STIM1: variants seen among roughly 807,000 people sequenced by gnomAD.
The protein encoded by STIM1 is stromal interaction molecule 1.
A neutral mutation model predicts 74.7 loss-of-function variants in STIM1; 25 were observed. That is an observed-to-expected ratio of 0.33 (90% CI 0.24 to 0.47). The LOEUF is 0.47. STIM1 is among the 20% of genes least tolerant of loss of function. The probability of loss-of-function intolerance (pLI) is 1.00; values close to 1 mark genes in which losing one functional copy is unlikely to be tolerated. For missense variants in STIM1, 728 were observed against 920.8 expected (o/e 0.79, Z 2.71); for synonymous variants, 328 against 348.8 (o/e 0.94, Z 0.66).
intron 1 of STIM1, among the ~76,000 whole-genome samples, chr11:3,937,602 A>G (rs573158592): frequency 1.3e-5 from 2 of 152,300 alleles, no homozygotes; most frequent in African/African-American, 4.8e-5. Flanking sequence ...CTGATTCTCC[A>G]TAAGTCACAG....
chr11:3,990,135 C>T (rs1320729995), intron 2 of STIM1, among the ~76,000 whole-genome samples: 1 of 152,200 alleles, frequency 6.6e-6, no homozygotes, highest in African/African-American at 2.4e-5. Context: ...CATGTAAATT[C>T]AATCATATAA....
chr11:3,973,462 T>G (rs1758977812), intron 2 of STIM1: 1 of 284,034 alleles, frequency 3.5e-6, no homozygotes, highest in African/African-American at 2.2e-5. Flanking sequence ...TGCAGTGGTG[T>G]GAACACAGCT....
rs150033189 is a variant in STIM1, at chr11:3,856,384, C to G, written c.114C>G (p.Ala38=). 3.0e-4 allele frequency: 485 copies of G among 1,614,138 alleles called. 1 individual carries two copies. Among genetic ancestry groups the G allele is most frequent in the Non-Finnish European group, 1.7e-4 (206 of 1,180,042 alleles). ...SEKATGTSSG[A]NSEESTAAEF... The stretch of plus-strand genomic sequence containing the variant: ...AGGCGACAGGAACCAGCTCGGGGGC[C>G]AACTCTGAGGAGTCCACTGCAGCAG... Residue 38 remains alanine, a synonymous_variant, in exon 1 of 13, where the codon GCC becomes GCG. Transcript: ENST00000526596.
intron 2 of STIM1, chr11:3,989,390 A>G: frequency 1.3e-6 from 1 of 766,372 alleles, no homozygotes. Context: ...GGTTTAGCAG[A>G]CAACCGCGCC....
intron 2 of STIM1, chr11:3,973,411 T>TTC: frequency 2.6e-6 from 1 of 385,608 alleles, no homozygotes; most frequent in Middle Eastern, 1.0e-3. Context: ...TTCTTTTTTT[T>TTC]TCTCTCGAGA....
chr11:3,872,296 G>T (rs1048317342), intron 1 of STIM1, among the ~76,000 whole-genome samples: 2 of 151,778 alleles, frequency 1.3e-5, no homozygotes, highest in Non-Finnish European at 2.9e-5. Context: ...CAGGTGATCT[G>T]CCCGCCTTGG....
chr11:4,063,197 A>G (rs1419721388), intron 5 of STIM1, among the ~76,000 whole-genome samples: 1 of 152,240 alleles, frequency 6.6e-6, no homozygotes, highest in African/African-American at 2.4e-5. Flanking sequence ...TAATTTTGCC[A>G]GTGGTTGCAC....
intron 5 of STIM1, among the ~76,000 whole-genome samples, chr11:4,064,187 C>G (rs1316225951): frequency 2.0e-5 from 3 of 152,140 alleles, no homozygotes; most frequent in Non-Finnish European, 2.9e-5. Flanking sequence ...TCTACTGATG[C>G]TTGTCAAAGG....
chr11:3,917,470 T>C (rs1432510485), intron 1 of STIM1, among the ~76,000 whole-genome samples: 5 of 151,272 alleles, frequency 3.3e-5, no homozygotes, highest in Admixed American at 1.3e-4. Context: ...GGTCTGGCTC[T>C]GTCGGCCAGG....
At chr11:4,018,519 C>T (rs1211753400) in intron 2 of STIM1, among the ~76,000 whole-genome samples, 2 of 148,530 alleles carry the variant, frequency 1.3e-5, no homozygotes, top group East Asian at 3.9e-4. Context: ...GTGGTGCATG[C>T]CTGTAATCCC....
intron 1 of STIM1, among the ~76,000 whole-genome samples, chr11:3,914,063 CACT>C (rs1300475628): frequency 6.6e-6 from 1 of 151,938 alleles, no homozygotes; most frequent in African/African-American, 2.4e-5. Flanking sequence ...CAACTTTCAC[CACT>C]ATTTTAAAAC....
intron 3 of STIM1, among the ~76,000 whole-genome samples, chr11:4,035,767 G>T (rs1441922967): frequency 6.7e-6 from 1 of 149,128 alleles, no homozygotes; most frequent in Admixed American, 6.7e-5. Flanking sequence ...GGTCTATCTT[G>T]TTAAATATCC....
At chr11:3,949,816 C>T (rs2093123109) in intron 1 of STIM1, among the ~76,000 whole-genome samples, 1 of 152,158 alleles carries the variant, frequency 6.6e-6, no homozygotes, top group South Asian at 2.1e-4. Context: ...AGGATATTGA[C>T]ATTGACATTG....
chr11:3,963,512 G>C (rs2093310401), intron 1 of STIM1, among the ~76,000 whole-genome samples: 1 of 152,124 alleles, frequency 6.6e-6, no homozygotes. Context: ...ATATAAAAGG[G>C]TCCTGAGACC....
intron 5 of STIM1, among the ~76,000 whole-genome samples, chr11:4,062,859 C>T (rs1037576557): frequency 4.1e-5 from 6 of 147,722 alleles, no homozygotes; most frequent in Non-Finnish European, 7.5e-5. Flanking sequence ...GGAAACAACT[C>T]AAGTGTCTGT....
At chr11:3,854,940 C>T (rs1262668774), upstream of STIM1, 1 of 152,382 alleles carries the variant, frequency 6.6e-6, no homozygotes, top group Non-Finnish European at 1.5e-5. Context: ...CCCCAGTGGC[C>T]CTCGTGGGCC....
intron 3 of STIM1, 29 bp from the exon 4 acceptor site, chr11:4,055,497 G>A: frequency 6.5e-7 from 1 of 1,538,394 alleles, no homozygotes; most frequent in Non-Finnish European, 8.9e-7. Flanking sequence ...GCATTCTAGA[G>A]TCATGGCTTT....
chr11:4,089,593 A>C (rs1020699269), intron 12 of STIM1, among the ~76,000 whole-genome samples: 1 of 152,236 alleles, frequency 6.6e-6, no homozygotes, highest in Admixed American at 6.5e-5. Context: ...CAGTATTTGT[A>C]GAATGGAAGC....
At chr11:3,956,229 G>A (rs2093210806) in intron 1 of STIM1, among the ~76,000 whole-genome samples, 1 of 152,138 alleles carries the variant, frequency 6.6e-6, no homozygotes, top group African/African-American at 2.4e-5. Context: ...CATTTCTGCT[G>A]ATTGGTCATT....
Sources: allele counts gnomAD v4.1 joint callset (sites outside exome capture counted in the v4.1 genomes callset), GRCh38; gene constraint gnomAD v4.1.1; transcripts MANE v1.5; gene names NCBI Gene and HGNC (gene_info 2026-07-23, HGNC 2026-07-21).